The following HOATZ variants were observed in gnomAD, a reference collection of about 807,000 sequenced individuals.
HOATZ encodes the protein cilia- and flagella-associated protein HOATZ.
In HOATZ, 26 loss-of-function variants were observed where a neutral mutation model predicts 24.9. The observed-to-expected ratio is 1.04, with a 90% CI of 0.76 to 1.45. HOATZ has a LOEUF of 1.45. HOATZ is among the 40% of genes most tolerant of loss of function. HOATZ has a pLI of 0.00. For synonymous variants in HOATZ, 83 were observed against 76.6 expected (o/e 1.08, Z -0.43); for missense variants, 226 against 201.5 (o/e 1.12, Z -0.74).
intron 3 of HOATZ, among the ~76,000 whole-genome samples, chr11:111,528,174 C>G (rs1052471903): frequency 1.7e-5 from 2 of 119,718 alleles, no homozygotes; most frequent in Non-Finnish European, 3.7e-5. Context: ...AAAAAAAAAT[C>G]GTTTTTTAAT....
Position 111,516,113 on chromosome 11 carries a change from A to G in HOATZ, c.339+3A>G. On this transcript the variant is annotated splice_donor_region_variant and intron_variant, in intron 3 of 5. Transcript: ENST00000375618. ...AGAAAGTAAAGTATCTCCAAAAGGT[A>G]GGCCAATATTTCAGAAGGTCATCTG... is the stretch of plus-strand genomic sequence containing the variant. 6.4e-7 allele frequency: 1 copy of G among 1,553,546 alleles called. No homozygotes were observed. Among genetic ancestry groups the G allele is most frequent in the Non-Finnish European group, 8.8e-7 (1 of 1,136,738 alleles).
intron 5 of HOATZ, 47 bp downstream of exon 5, chr11:111,534,511 G>T (rs1302880110): frequency 2.9e-6 from 4 of 1,378,356 alleles, no homozygotes; most frequent in Non-Finnish European, 4.1e-6. Flanking sequence ...TCAACTTACT[G>T]TGTAGGGAAG....
intron 3 of HOATZ, among the ~76,000 whole-genome samples, chr11:111,527,235 ACAGAACC>A (rs1867349298): frequency 6.6e-6 from 1 of 152,214 alleles, no homozygotes; most frequent in Non-Finnish European, 1.5e-5. Context: ...AATATATGTA[ACAGAACC>A]AAGAAAATAC....
At chr11:111,536,601 T>C in intron 5 of HOATZ, 169 bp from the exon 6 acceptor site, 1 of 581,300 alleles carries the variant, frequency 1.7e-6, no homozygotes, top group Non-Finnish European at 3.1e-6. Flanking sequence ...CACAATATCA[T>C]AACCACTTCT....
chr11:111,531,809 G>A (rs1867396176), intron 3 of HOATZ, among the ~76,000 whole-genome samples: 1 of 152,180 alleles, frequency 6.6e-6, no homozygotes, highest in Non-Finnish European at 1.5e-5. Context: ...CAGTTCACCA[G>A]CCAAGACACT....
intron 3 of HOATZ, among the ~76,000 whole-genome samples, chr11:111,520,484 A>G (rs142252620): frequency 2.6e-5 from 4 of 152,276 alleles, no homozygotes; most frequent in African/African-American, 9.6e-5. Flanking sequence ...TGGGTTTTTA[A>G]TCTGTTCTAT....
intron 3 of HOATZ, among the ~76,000 whole-genome samples, chr11:111,517,798 G>C (rs1004043228): frequency 6.6e-6 from 1 of 152,152 alleles, no homozygotes; most frequent in Admixed American, 6.5e-5. Context: ...TAGTTTGTTA[G>C]ACAAAGAATA....
intron 3 of HOATZ, chr11:111,519,163 A>C: frequency 2.6e-6 from 1 of 380,536 alleles, no homozygotes. Context: ...ATTTTTTTTA[A>C]TATCCTCCTC....
intron 3 of HOATZ, among the ~76,000 whole-genome samples, chr11:111,519,873 C>G (rs1266430693): frequency 6.7e-6 from 1 of 149,504 alleles, no homozygotes; most frequent in Non-Finnish European, 1.5e-5. Flanking sequence ...TCTCTGAAAG[C>G]ACCTTTTTAA....
intron 3 of HOATZ, 28 bp downstream of exon 3, chr11:111,516,138 G>T: frequency 7.4e-7 from 1 of 1,343,230 alleles, no homozygotes; most frequent in South Asian, 1.3e-5. Context: ...AAGGTCATCT[G>T]ATCATCATTA....
chr11:111,522,598 G>A (rs1233751034), intron 3 of HOATZ, among the ~76,000 whole-genome samples: 1 of 152,166 alleles, frequency 6.6e-6, no homozygotes, highest in East Asian at 1.9e-4. Context: ...CACATAAAGT[G>A]TGGTCAAGAA....
At chr11:111,528,239 G>A (rs899123817) in intron 3 of HOATZ, among the ~76,000 whole-genome samples, 2 of 152,180 alleles carry the variant, frequency 1.3e-5, no homozygotes, top group African/African-American at 4.8e-5. Context: ...AGGCTGAGGT[G>A]GGAGGATTGC....
At chr11:111,530,614 T>C (rs1359779237) in intron 3 of HOATZ, among the ~76,000 whole-genome samples, 1 of 152,200 alleles carries the variant, frequency 6.6e-6, no homozygotes, top group African/African-American at 2.4e-5. Flanking sequence ...AAAGATGTTA[T>C]AAAGATAAAT....
intron 3 of HOATZ, among the ~76,000 whole-genome samples, chr11:111,517,021 T>C (rs940999252): frequency 2.0e-5 from 3 of 152,190 alleles, no homozygotes; most frequent in African/African-American, 4.8e-5. Context: ...AAAGCAAAAA[T>C]AGAGGATTCA....
At position 111,528,655 on chromosome 11, in the gene HOATZ, A is replaced by T. The variant is rs72645434; in HGVS notation, c.340-5091A>T. 6.0e-4 allele frequency among the ~76,000 whole-genome samples: 91 copies of T among 152,330 alleles called. 1 individual carries two copies. The East Asian group carries it at 0.017, about 28-fold the overall frequency. ...ATGATCAAGGCTGAGCTCAAGCTGG[A>T]TTAGCTCCACCTGCTGTATTCTGAT... On this transcript the variant is annotated intron_variant, in intron 3 of 5. Transcript: ENST00000375618.
At chr11:111,521,902 A>T (rs1867272583) in intron 3 of HOATZ, among the ~76,000 whole-genome samples, 1 of 152,234 alleles carries the variant, frequency 6.6e-6, no homozygotes, top group Non-Finnish European at 1.5e-5. Flanking sequence ...TACAGTCTGT[A>T]AAATCATAAT....
intron 3 of HOATZ, among the ~76,000 whole-genome samples, 169 bp from the exon 4 acceptor site, chr11:111,533,577 C>T (rs1443367078): frequency 6.6e-6 from 1 of 151,878 alleles, no homozygotes; most frequent in Non-Finnish European, 1.5e-5. Context: ...GCAGCATTAT[C>T]TTGAATAAAA....
chr11:111,519,985 CT>C (rs1363016093), intron 3 of HOATZ, among the ~76,000 whole-genome samples: 1 of 152,148 alleles, frequency 6.6e-6, no homozygotes, highest in Non-Finnish European at 1.5e-5. Context: ...ATAACAAATG[CT>C]TTTGGTTAGT....
At chr11:111,532,419 G>C (rs577802907) in intron 3 of HOATZ, among the ~76,000 whole-genome samples, 5 of 152,270 alleles carry the variant, frequency 3.3e-5, no homozygotes, top group African/African-American at 1.2e-4. Flanking sequence ...AGTGGAGTAG[G>C]TTGTGCACCT....
Sources: allele counts gnomAD v4.1 joint callset (sites outside exome capture counted in the v4.1 genomes callset), GRCh38; gene constraint gnomAD v4.1.1; transcripts MANE v1.5; gene names NCBI Gene and HGNC (gene_info 2026-07-23, HGNC 2026-07-21).